The following POM121 variants were observed in gnomAD, a reference collection of about 807,000 sequenced individuals.
POM121 encodes nuclear envelope pore membrane protein POM 121.
POM121 carries 32 observed loss-of-function variants against 81.3 expected under a neutral mutation model. The observed-to-expected ratio is 0.39, with a 90% CI of 0.30 to 0.53. POM121 has a LOEUF of 0.53. Ranked by LOEUF, POM121 falls within the 20% of genes least tolerant of loss-of-function variation. POM121 has a pLI of 0.66. For missense variants in POM121, 1,138 were observed against 1,614.6 expected (o/e 0.70, Z 5.06); for synonymous variants, 514 against 694.2 (o/e 0.74, Z 4.08).
At position 72,929,959 on chromosome 7, in the gene POM121, G is replaced by A; in HGVS notation, c.1123G>A (p.Gly375Ser). Residue 375 changes from glycine (G) to serine (S), a missense_variant, in exon 5 of 13, where the codon GGC (glycine) becomes AGC (serine). Physicochemically the swap from Gly to Ser is moderately conservative, Grantham distance 56. This residue lies in a region of POM121 where 646 missense variants were observed against 633.5 expected (regional missense o/e 1.02). Coordinates refer to ENST00000434423, the MANE Select transcript of POM121 (RefSeq NM_001387691.1). The stretch of plus-strand genomic sequence containing the variant: ...TATTAGGCCTGGGTCTCTGAAGAGA[G>A]GCCTCAATTCTCAGAGCTCAGATGA... ...FVPKPGSLKR[G>S]LNSQSSDDHL... 6.2e-7 allele frequency: 1 copy of A among 1,610,332 alleles called. No homozygotes were observed.
chr7:72,948,215 T>A lies in POM121; in HGVS notation c.*1981T>A. Reference sequence around the variant, plus strand: ...ATTACAAATAGAGACTTCATTCCTGTTGAGTCTAGTTGGAATTTTTAGTAT... The same window carrying A: ...ATTACAAATAGAGACTTCATTCCTGATGAGTCTAGTTGGAATTTTTAGTAT... On this transcript the variant is annotated 3_prime_UTR_variant, in exon 13 of 13. Transcript: ENST00000434423. 2.1e-6 allele frequency: 3 copies of A among 1,444,932 alleles called. No individual in the cohort carries two copies. The highest frequency in any genetic ancestry group is 2.7e-6 in the Non-Finnish European group (3 of 1,103,976). The allele number at this position is 1,444,932 out of a possible 1,614,324, so 89.5% of individuals were successfully genotyped here. A position where few individuals can be genotyped will look rare whatever the true frequency, so the allele number is the denominator to read the frequency against.
chr7:72,929,400 G>A (rs1795795884), intron 4 of POM121, among the ~76,000 whole-genome samples: 1 of 152,172 alleles, frequency 6.6e-6, no homozygotes, highest in African/African-American at 2.4e-5. Flanking sequence ...TATTGTAACA[G>A]GTTGGATGAC....
In POM121 at chr7:72,915,452, G is replaced by A. The variant is rs552393568; in HGVS notation, c.-152+1624G>A. On this transcript the variant is annotated intron_variant, in intron 4 of 15. Transcript: ENST00000395270. ...GTGGCACGATCTCGGCTCCTCCTCCGCCTCGCACCTCCCAGGTTCAAGCAA... is the reference window on the plus strand; with the variant it reads ...GTGGCACGATCTCGGCTCCTCCTCCACCTCGCACCTCCCAGGTTCAAGCAA... 2.0e-5 allele frequency among the ~76,000 whole-genome samples: 3 copies of A among 151,932 alleles called. No individual in the cohort carries two copies. The East Asian group carries it at 5.8e-4, about 29-fold the overall frequency.
intron 1 of POM121, among the ~76,000 whole-genome samples, chr7:72,886,191 T>A (rs573316418): frequency 0.042 from 5,880 of 141,460 alleles, 106 homozygotes; most frequent in African/African-American, 0.13. Flanking sequence ...TTATTTATTT[T>A]GAGACAGAGT....
intron 4 of POM121, among the ~76,000 whole-genome samples, chr7:72,919,125 A>G (rs1313113492): frequency 6.6e-6 from 1 of 151,428 alleles, no homozygotes. Context: ...AGTCTGATCT[A>G]GAACTCCTGA....
intron 10 of POM121, among the ~76,000 whole-genome samples, chr7:72,941,561 G>A (rs1554501026): frequency 1.3e-5 from 2 of 149,532 alleles, no homozygotes; most frequent in African/African-American, 2.5e-5. Flanking sequence ...AGATTCATAC[G>A]TGAACTTCAG....
intron 4 of POM121, among the ~76,000 whole-genome samples, chr7:72,929,078 C>G (rs1182153035): frequency 6.6e-6 from 1 of 152,192 alleles, no homozygotes; most frequent in Non-Finnish European, 1.5e-5. Context: ...AACGGAAATT[C>G]ATTCCCAGTG....
intron 11 of POM121, among the ~76,000 whole-genome samples, chr7:72,945,209 C>T (rs1185109044): frequency 1.3e-5 from 2 of 152,230 alleles, no homozygotes; most frequent in Non-Finnish European, 2.9e-5. Context: ...AACCAGGCTT[C>T]AGAGGGGAGG....
chr7:72,889,699 C>G (rs188503717), intron 1 of POM121, among the ~76,000 whole-genome samples: 1 of 152,168 alleles, frequency 6.6e-6, no homozygotes, highest in African/African-American at 2.4e-5. Flanking sequence ...TTATTTTTAG[C>G]AGAGATAAGG....
At chr7:72,943,701 A>G (rs1256352750) in intron 11 of POM121, among the ~76,000 whole-genome samples, 179 bp downstream of exon 11, 4 of 151,808 alleles carry the variant, frequency 2.6e-5, no homozygotes, top group African/African-American at 9.7e-5. Context: ...TGGAGGAGCC[A>G]TTGTGGATTT....
chr7:72,896,164 A>G (rs1182998788), intron 3 of POM121, among the ~76,000 whole-genome samples: 4 of 151,792 alleles, frequency 2.6e-5, no homozygotes, highest in African/African-American at 9.7e-5. Flanking sequence ...CTTCCATTTA[A>G]AAAAATGAGT....
chr7:72,928,519 C>A (rs535841906), intron 4 of POM121, 54 bp downstream of exon 4: 3 of 1,575,210 alleles, frequency 1.9e-6, no homozygotes, highest in South Asian at 1.1e-5. Context: ...AAGGCCTGAT[C>A]AGAGCTGTTG....
At chr7:72,930,858 C>A (rs1795947827) in intron 5 of POM121, among the ~76,000 whole-genome samples, 1 of 152,096 alleles carries the variant, frequency 6.6e-6, no homozygotes, top group African/African-American at 2.4e-5. Flanking sequence ...TTGGCTCTGA[C>A]ATCTAGTAGC....
At chr7:72,918,898 A>G (rs1187758724) in intron 4 of POM121, among the ~76,000 whole-genome samples, 1 of 152,012 alleles carries the variant, frequency 6.6e-6, no homozygotes, top group Non-Finnish European at 1.5e-5. Context: ...TCCGGGTTCA[A>G]GCGATTCTCC....
chr7:72,946,269 C>T lies in POM121; in HGVS notation c.*35C>T, dbSNP rs782647259. The T allele has an allele frequency of 3.1e-6, 5 of 1,606,214 alleles. No homozygotes were observed. Among genetic ancestry groups the T allele is most frequent in the Non-Finnish European group, 4.2e-6 (5 of 1,177,148 alleles). On this transcript the variant is annotated 3_prime_UTR_variant, in exon 13 of 13. Transcript: ENST00000434423. Reference sequence around the variant, plus strand: ...CCTGTCCCTGTTCCCCCCACCCCTTCCCTAAATCTGGACCTTGGCACCTGC... The same window carrying T: ...CCTGTCCCTGTTCCCCCCACCCCTTTCCTAAATCTGGACCTTGGCACCTGC...
chr7:72,939,456 G>T (rs371184990), intron 7 of POM121, 47 bp downstream of exon 7: 2 of 1,610,188 alleles, frequency 1.2e-6, no homozygotes, highest in Non-Finnish European at 1.7e-6. Context: ...TGGTGGAGGT[G>T]TTTGTGGAGG....
intron 5 of POM121, among the ~76,000 whole-genome samples, chr7:72,935,735 C>T (rs1251360805): frequency 1.3e-5 from 2 of 151,380 alleles, no homozygotes; most frequent in African/African-American, 2.4e-5. Context: ...CCTGCCTCTG[C>T]CTCCCAAAGT....
At chr7:72,923,547 C>G (rs1484442955), upstream of POM121, among the ~76,000 whole-genome samples, 5 of 151,742 alleles carry the variant, frequency 3.3e-5, no homozygotes, top group Admixed American at 6.6e-5. Context: ...CTCAGCCTCC[C>G]GAGTAGCTGG....
intron 4 of POM121, among the ~76,000 whole-genome samples, chr7:72,917,253 T>C (rs556948704): frequency 9.2e-5 from 14 of 152,362 alleles, no homozygotes; most frequent in African/African-American, 3.4e-4. Flanking sequence ...TTTCCTTGAA[T>C]ACTAGGAGCT....
Sources: allele counts gnomAD v4.1 joint callset (sites outside exome capture counted in the v4.1 genomes callset), GRCh38; gene constraint gnomAD v4.1.1; regional missense constraint gnomAD v4.1.1; transcripts MANE v1.5; gene names NCBI Gene and HGNC (gene_info 2026-07-23, HGNC 2026-07-21).